YWHAE: variants seen among roughly 807,000 people sequenced by gnomAD.
YWHAE encodes 14-3-3 protein epsilon.
A neutral mutation model predicts 30.1 loss-of-function variants in YWHAE; 4 were observed. That is an observed-to-expected ratio of 0.13 (90% confidence interval 0.07 to 0.30). The LOEUF (loss-of-function observed/expected upper bound fraction) is 0.30, where lower values mean the gene tolerates loss of function less well. Among genes scored for constraint, YWHAE ranks in the 10% least tolerant of loss-of-function variants. The probability of loss-of-function intolerance (pLI) is 1.00; values close to 1 mark genes in which losing one functional copy is unlikely to be tolerated. For missense variants in YWHAE, 121 were observed against 315.9 expected (o/e 0.38, Z 4.68); for synonymous variants, 118 against 111.8 (o/e 1.06, Z -0.35).
rs1279714917 is a variant in YWHAE, at chr17:1,355,476, C to G, written c.579-1129G>C. ...CAAAGTATTAATGCAAAAAGAAAAT[C>G]TTGGACAATACCTCAAAGTTTAAAA... is the stretch of plus-strand genomic sequence containing the variant. On this transcript the variant is annotated intron_variant, in intron 4 of 5. Coordinates refer to ENST00000264335, the MANE Select transcript of YWHAE (RefSeq NM_006761.5). Among the ~76,000 whole-genome samples, 4 of 151,966 alleles carry G rather than the reference C, an allele frequency of 2.6e-5. No individual in the cohort carries two copies. The East Asian group carries it at 5.8e-4, about 22-fold the overall frequency.
chr17:1,393,748 T>C (rs2073423461), intron 1 of YWHAE, among the ~76,000 whole-genome samples: 1 of 152,172 alleles, frequency 6.6e-6, no homozygotes, highest in African/African-American at 2.4e-5. Context: ...TTTTCTTTTT[T>C]TGGTTGTTTT....
intron 5 of YWHAE, among the ~76,000 whole-genome samples, chr17:1,351,551 G>A (rs751563888): frequency 3.3e-5 from 5 of 152,116 alleles, no homozygotes; most frequent in Non-Finnish European, 7.4e-5. Flanking sequence ...AACAGGCAGA[G>A]AGATACTAGC....
At chr17:1,365,468 A>G (rs1281677724) in intron 1 of YWHAE, among the ~76,000 whole-genome samples, 1 of 152,216 alleles carries the variant, frequency 6.6e-6, no homozygotes, top group Admixed American at 6.5e-5. Flanking sequence ...CAAAAATACA[A>G]AAGGAAGGGG....
rs566935846 is a variant in YWHAE at position 1,345,289 on chromosome 17, T to TAAAAA, written c.*153_*157dup. On this transcript the variant is annotated 3_prime_UTR_variant, in exon 6 of 6. Coordinates refer to ENST00000264335, the MANE Select transcript of YWHAE (RefSeq NM_006761.5). ...CCTTTAAGAACTTTTGAAAACTGTT[T>TAAAAA]AAAAAAAAAAAAAAAAAACCAACAG... The TAAAAA allele has an allele frequency of 1.6e-4, 81 of 508,338 alleles. No individual in the cohort carries two copies. Among genetic ancestry groups the TAAAAA allele is most frequent in the Non-Finnish European group, 1.8e-4 (53 of 299,370 alleles). The allele number at this position is 508,338 out of a possible 1,614,324, so 31.5% of individuals were successfully genotyped here.
chr17:1,370,428 G>T (rs536263906), intron 1 of YWHAE, among the ~76,000 whole-genome samples: 1 of 151,796 alleles, frequency 6.6e-6, no homozygotes, highest in South Asian at 2.1e-4. Flanking sequence ...ACCGCGACTG[G>T]CCAGAACAAC....
chr17:1,354,068 A>T, intron 5 of YWHAE, 143 bp downstream of exon 5: 1 of 1,051,538 alleles, frequency 9.5e-7, no homozygotes, highest in Non-Finnish European at 1.3e-6. Flanking sequence ...TTTCCTATAA[A>T]GGCAGCAATT....
chr17:1,363,471 G>A (rs1318155699), intron 2 of YWHAE, among the ~76,000 whole-genome samples: 2 of 151,900 alleles, frequency 1.3e-5, no homozygotes, highest in East Asian at 1.9e-4. Flanking sequence ...TCACCATGTC[G>A]GTCAGGCTGC....
chr17:1,365,584 C>T (rs1471307192), intron 1 of YWHAE, among the ~76,000 whole-genome samples: 1 of 152,102 alleles, frequency 6.6e-6, no homozygotes, highest in Non-Finnish European at 1.5e-5. Flanking sequence ...GGTAAAACTT[C>T]TGATGATTCC....
At chr17:1,357,704 T>C (rs978755602) in intron 4 of YWHAE, among the ~76,000 whole-genome samples, 8 of 151,826 alleles carry the variant, frequency 5.3e-5, no homozygotes, top group Admixed American at 5.3e-4. Context: ...GGTGGCTGGA[T>C]CACTTAAGGT....
intron 5 of YWHAE, among the ~76,000 whole-genome samples, chr17:1,346,170 G>A (rs1311885641): frequency 1.3e-5 from 2 of 152,158 alleles, no homozygotes; most frequent in Admixed American, 6.5e-5. Flanking sequence ...TTTAAAGAGG[G>A]TGATTACCCT....
In YWHAE at chr17:1,344,920, C is replaced by G. The variant is rs987353615; in HGVS notation, c.*527G>C. 1 of 233,340 alleles carries G rather than the reference C, an allele frequency of 4.3e-6. No individual in the cohort carries two copies. Among genetic ancestry groups the G allele is most frequent in the African/African-American group, 2.2e-5 (1 of 45,302 alleles). 14.5% of individuals were successfully genotyped at this position (233,340 alleles called of 1,614,324 possible). A position where few individuals can be genotyped will look rare whatever the true frequency, so the allele number is the denominator to read the frequency against. On this transcript the variant is annotated 3_prime_UTR_variant, in exon 6 of 6. Transcript: ENST00000264335. ...TCAGCGGAGTTGGAAACATTTTTTA[C>G]AGCAAAACCATTACAACGAAGTCCC...
intron 1 of YWHAE, among the ~76,000 whole-genome samples, chr17:1,371,903 G>A (rs935591399): frequency 1.0e-4 from 15 of 147,724 alleles, no homozygotes; most frequent in Non-Finnish European, 1.6e-4. Flanking sequence ...CTGTCACAAC[G>A]TCTCAGCTCA....
At chr17:1,347,171 CAAAAAAAAAAAA>C (rs11348283) in intron 5 of YWHAE, among the ~76,000 whole-genome samples, 1 of 125,478 alleles carries the variant, frequency 8.0e-6, no homozygotes, top group African/African-American at 3.0e-5. Context: ...ACTAAAAATA[CAAAAAAAAAAAA>C]AAAAAATTAG....
intron 1 of YWHAE, among the ~76,000 whole-genome samples, chr17:1,386,038 G>A (rs975900230): frequency 2.6e-5 from 4 of 152,182 alleles, no homozygotes; most frequent in African/African-American, 9.7e-5. Flanking sequence ...CAGAATACCA[G>A]TGACATTTCA....
chr17:1,361,316 T>TAA lies in YWHAE; in HGVS notation c.372-19_372-18insTT. 19 of 1,404,840 alleles carry TAA rather than the reference T, an allele frequency of 1.4e-5. No homozygotes were observed. Among genetic ancestry groups the TAA allele is most frequent in the Non-Finnish European group, 1.8e-5 (19 of 1,078,094 alleles). 87.0% of individuals were successfully genotyped at this position (1,404,840 alleles called of 1,614,324 possible). ...CCCCTTTCCTAAAACAAAACCAAAA[T>TAA]TAAAAAAAAAAAAAAAATTTAAACT... On this transcript the variant is annotated intron_variant, in intron 3 of 5. Transcript: ENST00000264335.
intron 5 of YWHAE, among the ~76,000 whole-genome samples, chr17:1,351,409 A>T (rs2072629687): frequency 6.6e-6 from 1 of 152,008 alleles, no homozygotes; most frequent in African/African-American, 2.4e-5. Flanking sequence ...ACACACAGAA[A>T]AAACTTTCAA....
chr17:1,379,796 TTTTAA>T (rs1414749389), intron 1 of YWHAE, among the ~76,000 whole-genome samples: 1 of 152,216 alleles, frequency 6.6e-6, no homozygotes, highest in Non-Finnish European at 1.5e-5. Flanking sequence ...CTGGAACTTG[TTTTAA>T]TTTAAGCAAA....
chr17:1,396,087 A>G (rs1339984449), intron 1 of YWHAE, among the ~76,000 whole-genome samples: 1 of 151,842 alleles, frequency 6.6e-6, no homozygotes, highest in Non-Finnish European at 1.5e-5. Flanking sequence ...CTATTGCACT[A>G]CAGCCTGGGC....
intron 1 of YWHAE, among the ~76,000 whole-genome samples, chr17:1,392,514 C>T (rs963111265): frequency 1.3e-5 from 2 of 152,186 alleles, no homozygotes; most frequent in Non-Finnish European, 2.9e-5. Context: ...CGGAACAACA[C>T]TGGTGAATCA....
Sources: allele counts gnomAD v4.1 joint callset (sites outside exome capture counted in the v4.1 genomes callset), GRCh38; gene constraint gnomAD v4.1.1; transcripts MANE v1.5; gene names NCBI Gene and HGNC (gene_info 2026-07-23, HGNC 2026-07-21).